The following HADHB variants were observed in gnomAD, a reference collection of about 807,000 sequenced individuals.
HADHB encodes the protein hydroxyacyl-CoA dehydrogenase trifunctional multienzyme complex subunit beta.
Under a neutral mutation model 61.9 loss-of-function variants are expected in HADHB, and 50 were observed. That is an observed-to-expected ratio of 0.81 (90% CI 0.64 to 1.02). The LOEUF (loss-of-function observed/expected upper bound fraction) is 1.02. Among genes scored for constraint, HADHB ranks in the 50% least tolerant of loss-of-function variants. The pLI is 0.00. For missense variants in HADHB, 504 were observed against 586.5 expected (o/e 0.86, Z 1.45); for synonymous variants, 191 against 201.6 (o/e 0.95, Z 0.45).
intron 15 of HADHB, among the ~76,000 whole-genome samples, chr2:26,286,205 A>G (rs1673027872): frequency 6.6e-6 from 1 of 152,244 alleles, no homozygotes; most frequent in Non-Finnish European, 1.5e-5. Context: ...CCCATCAGAC[A>G]TTAACATTAT....
intron 15 of HADHB, among the ~76,000 whole-genome samples, chr2:26,286,593 C>T (rs989336946): frequency 2.0e-5 from 3 of 152,004 alleles, no homozygotes; most frequent in South Asian, 2.1e-4. Flanking sequence ...ACCTCTGCCT[C>T]GCGAGTTCAA....
chr2:26,262,675 A>G (rs1671912264), intron 3 of HADHB, among the ~76,000 whole-genome samples: 1 of 152,208 alleles, frequency 6.6e-6, no homozygotes, highest in Non-Finnish European at 1.5e-5. Flanking sequence ...CCTTATTTCC[A>G]CGTAGAAAAG....
At chr2:26,256,299 T>C (rs1671604917) in intron 3 of HADHB, among the ~76,000 whole-genome samples, 1 of 152,228 alleles carries the variant, frequency 6.6e-6, no homozygotes, top group Non-Finnish European at 1.5e-5. Flanking sequence ...TTTTTTTGTT[T>C]TAACTGGCAT....
intron 6 of HADHB, among the ~76,000 whole-genome samples, chr2:26,275,949 C>T (rs886268369): frequency 6.6e-6 from 1 of 152,026 alleles, no homozygotes; most frequent in Non-Finnish European, 1.5e-5. Flanking sequence ...GGAAAGAATA[C>T]TAAAAATGAA....
intron 3 of HADHB, among the ~76,000 whole-genome samples, chr2:26,256,049 C>T (rs1671594707): frequency 6.6e-6 from 1 of 152,228 alleles, no homozygotes; most frequent in East Asian, 1.9e-4. Context: ...GTAACTGTTT[C>T]TGATGTTTGT....
At chr2:26,272,775 G>A (rs138162119) in intron 5 of HADHB, among the ~76,000 whole-genome samples, 73 of 152,122 alleles carry the variant, frequency 4.8e-4, no homozygotes, top group African/African-American at 1.7e-3. Flanking sequence ...CTTTTAATGG[G>A]GAATGGCATT....
Position 26,284,865 on chromosome 2 carries a change from G to A in HADHB, c.1150-18G>A, listed in dbSNP as rs776134954. ...AACATGAATAACGAGGTTCTTATTC[G>A]ATTATTTTCTCTTCCAGGGTCAGAT... On this transcript the variant is annotated intron_variant, in intron 13 of 15. Coordinates refer to ENST00000317799, the MANE Select transcript of HADHB (RefSeq NM_000183.3). The A allele has an allele frequency of 5.1e-6, 7 of 1,366,446 alleles. No homozygotes were observed. The Admixed American group carries it at 1.0e-4, about 20-fold the overall frequency. 84.6% of individuals were successfully genotyped at this position (1,366,446 alleles called of 1,614,324 possible).
At chr2:26,264,579 G>A (rs1671995479) in intron 4 of HADHB, among the ~76,000 whole-genome samples, 1 of 147,660 alleles carries the variant, frequency 6.8e-6, no homozygotes, top group South Asian at 2.1e-4. Flanking sequence ...AAAAAGCAAG[G>A]TGCACAGTAT....
At chr2:26,273,869 A>C in intron 6 of HADHB, 119 bp downstream of exon 6, 1 of 694,728 alleles carries the variant, frequency 1.4e-6, no homozygotes. Context: ...TTGACCTAAA[A>C]TGTGATTTTA....
At chr2:26,255,258 G>C (rs905756928) in intron 3 of HADHB, among the ~76,000 whole-genome samples, 2 of 152,162 alleles carry the variant, frequency 1.3e-5, no homozygotes, top group Non-Finnish European at 2.9e-5. Flanking sequence ...CCAGCACTTT[G>C]GGAGGCTGAG....
At chr2:26,272,453 C>A (rs1379817230) in intron 5 of HADHB, among the ~76,000 whole-genome samples, 1 of 151,108 alleles carries the variant, frequency 6.6e-6, no homozygotes, top group African/African-American at 2.4e-5. Context: ...TCAAGCAATT[C>A]TCCTGCCTCA....
chr2:26,272,280 A>G (rs1672375610), intron 5 of HADHB, among the ~76,000 whole-genome samples: 2 of 151,452 alleles, frequency 1.3e-5, no homozygotes, highest in Admixed American at 6.6e-5. Context: ...TTTTAAGTGT[A>G]TAGTTTGATG....
chr2:26,247,091 T>G (rs1247769310), intron 1 of HADHB, among the ~76,000 whole-genome samples: 2 of 152,248 alleles, frequency 1.3e-5, no homozygotes, highest in African/African-American at 4.8e-5. Flanking sequence ...GTTGTAATAA[T>G]GAGCTGTTAG....
At position 26,290,367 on chromosome 2, in the gene HADHB, G is replaced by A; in HGVS notation, c.*414G>A. ...AAACCAACGTGCCTAATTAATTATG[G>A]AAAAATAATTCAGAATCTAAACACC... On this transcript the variant is annotated 3_prime_UTR_variant, in exon 16 of 16. Coordinates refer to ENST00000317799, the MANE Select transcript of HADHB (RefSeq NM_000183.3). The A allele has an allele frequency of 5.2e-6, 1 of 193,930 alleles. No homozygotes were observed. The highest frequency in any genetic ancestry group is 1.1e-5 in the Non-Finnish European group (1 of 92,602). 12.0% of individuals were successfully genotyped at this position (193,930 alleles called of 1,614,324 possible). A position where few individuals can be genotyped will look rare whatever the true frequency, so the allele number is the denominator to read the frequency against.
chr2:26,268,018 G>C (rs1161785559), intron 4 of HADHB, among the ~76,000 whole-genome samples: 1 of 151,924 alleles, frequency 6.6e-6, no homozygotes, highest in Non-Finnish European at 1.5e-5. Context: ...AGCAGACACC[G>C]GTAGTCCTAC....
intron 3 of HADHB, among the ~76,000 whole-genome samples, chr2:26,259,637 G>A (rs1463810692): frequency 6.6e-6 from 1 of 152,062 alleles, no homozygotes; most frequent in Non-Finnish European, 1.5e-5. Context: ...CCACCACTCC[G>A]ACTGATCTCC....
intron 15 of HADHB, 142 bp from the exon 16 acceptor site, chr2:26,289,775 AC>A: frequency 1.3e-6 from 1 of 753,258 alleles, no homozygotes; most frequent in East Asian, 2.5e-5. Context: ...CTGACTACAA[AC>A]TTTCCCAAGA....
At chr2:26,266,871 C>CAAAAAAAAAAAAAAAAAAAAAAAAAAAA (rs56401595) in intron 4 of HADHB, among the ~76,000 whole-genome samples, 1 of 45,426 alleles carries the variant, frequency 2.2e-5, no homozygotes, top group African/African-American at 9.9e-5. Context: ...CACTCTCTCT[C>CAAAAAAAAAAAAAAAAAAAAAAAAAAAA]AAAAAAAAAA....
At chr2:26,285,650 C>T in intron 15 of HADHB, 79 bp downstream of exon 15, 2 of 1,225,990 alleles carry the variant, frequency 1.6e-6, no homozygotes, top group Non-Finnish European at 1.2e-6. Flanking sequence ...TAGTTTGAAA[C>T]CTTCTTAAAG....
Sources: allele counts gnomAD v4.1 joint callset (sites outside exome capture counted in the v4.1 genomes callset), GRCh38; gene constraint gnomAD v4.1.1; transcripts MANE v1.5; gene names NCBI Gene and HGNC (gene_info 2026-07-23, HGNC 2026-07-21).